Variants in SPTBN1 observed in about 807,000 individuals in gnomAD.
SPTBN1 encodes the protein spectrin beta chain, non-erythrocytic 1.
Under a neutral mutation model 266.4 loss-of-function variants are expected in SPTBN1, and 32 were observed. That is an observed-to-expected ratio of 0.12 (90% confidence interval 0.09 to 0.16). SPTBN1 has a LOEUF of 0.16. Ranked by LOEUF, SPTBN1 falls within the 10% of genes least tolerant of loss-of-function variation. The pLI, the probability that SPTBN1 is intolerant of heterozygous loss-of-function variation, is 1.00. For synonymous variants in SPTBN1, 1,336 were observed against 1,162.2 expected, an observed-to-expected ratio of 1.15 and a Z score of -3.04; for missense variants, 2,296 against 3,067.1, an observed-to-expected ratio of 0.75 and a Z score of 5.94.
intron 1 of SPTBN1, among the ~76,000 whole-genome samples, chr2:54,483,399 A>G (rs1668196249): frequency 6.6e-6 from 1 of 152,306 alleles, no homozygotes; most frequent in Admixed American, 6.5e-5. Flanking sequence ...GGTTAGAGGA[A>G]ACATGAAGTG....
At chr2:54,537,314 C>G (rs1191836553) in intron 2 of SPTBN1, among the ~76,000 whole-genome samples, 1 of 152,142 alleles carries the variant, frequency 6.6e-6, no homozygotes, top group African/African-American at 2.4e-5. Context: ...TCCTGTAGTT[C>G]AAATGTCTGT....
chr2:54,462,930 G>A (rs1019793960), intron 1 of SPTBN1, among the ~76,000 whole-genome samples: 6 of 152,224 alleles, frequency 3.9e-5, no homozygotes, highest in African/African-American at 1.4e-4. Flanking sequence ...GTTCTAGGCA[G>A]TAACTACCAC....
chr2:54,476,018 C>G (rs1667805453), intron 1 of SPTBN1, among the ~76,000 whole-genome samples: 1 of 151,984 alleles, frequency 6.6e-6, no homozygotes, highest in East Asian at 1.9e-4. Flanking sequence ...TTTGTCACTT[C>G]TGGTCACTAT....
At position 54,629,177 on chromosome 2, in the gene SPTBN1, G is replaced by A; in HGVS notation, c.2043G>A (p.Arg681=). 6.2e-7 allele frequency: 1 copy of A among 1,613,610 alleles called. No homozygotes were observed. Among genetic ancestry groups the A allele is most frequent in the Non-Finnish European group, 8.5e-7 (1 of 1,179,928 alleles). Residue 681 remains arginine, a synonymous_variant, in exon 14 of 36, where the codon CGG becomes CGA. Transcript: ENST00000356805. ...TSVMRLLSKH[R]AFEDEMSGRS... is the part of the protein sequence containing the mutation. ...TCATGCGCCTGCTCAGCAAGCACCG[G>A]GCGTTCGAGGACGAGATGAGCGGCC...
chr2:54,494,069 C>G (rs138199677), intron 1 of SPTBN1, among the ~76,000 whole-genome samples: 42 of 152,288 alleles, frequency 2.8e-4, no homozygotes, highest in Non-Finnish European at 4.4e-5. Context: ...TGGTGCTACC[C>G]AAATCCTGAA....
chr2:54,623,372 C>T, intron 9 of SPTBN1, 107 bp from the exon 10 acceptor site: 1 of 936,768 alleles, frequency 1.1e-6, no homozygotes, highest in Non-Finnish European at 1.7e-6. Flanking sequence ...GTCTCTTTGA[C>T]ATGCATTTCA....
At chr2:54,529,450 CA>C (rs770061060) in intron 2 of SPTBN1, 48 of 708,522 alleles carry the variant, frequency 6.8e-5, no homozygotes, top group Middle Eastern at 2.4e-4. Context: ...TCCACGGCCA[CA>C]AAAAAAAGAA....
chr2:54,633,935 C>T (rs1678939622), intron 17 of SPTBN1, among the ~76,000 whole-genome samples: 1 of 152,072 alleles, frequency 6.6e-6, no homozygotes, highest in Non-Finnish European at 1.5e-5. Context: ...TAGAGAATAA[C>T]TTATGTTAAT....
At chr2:54,543,294 G>A (rs765993292) in intron 2 of SPTBN1, among the ~76,000 whole-genome samples, 2 of 152,212 alleles carry the variant, frequency 1.3e-5, no homozygotes, top group Non-Finnish European at 2.9e-5. Flanking sequence ...CTCGGTGTCT[G>A]CACACAGTGG....
chr2:54,566,154 G>C (rs552708103), intron 2 of SPTBN1, among the ~76,000 whole-genome samples: 1 of 151,346 alleles, frequency 6.6e-6, no homozygotes, highest in South Asian at 2.1e-4. Context: ...GGAAATAAAG[G>C]ATAAGGGCAT....
rs562102703 is a variant in SPTBN1, at chr2:54,500,392, G to T, written c.-47-25980G>T. ...TCCCTTTCTTTGAGAGATTTGTTCT[G>T]TTTTTTTTTCATCTCGATCCACTGT... On this transcript the variant is annotated intron_variant, in intron 1 of 35. Transcript: ENST00000356805. Among the ~76,000 whole-genome samples the T allele has an allele frequency of 1.5e-4, 22 of 150,038 alleles. No homozygotes were observed. The East Asian group carries it at 4.1e-3, about 28-fold the overall frequency.
In SPTBN1 at chr2:54,580,000, A is replaced by G. The variant is rs1198148163; in HGVS notation, c.149-19092A>G. On this transcript the variant is annotated intron_variant, in intron 2 of 35. Transcript: ENST00000356805. ...TCTGGTGTTGCTAGGACAGACCTGT[A>G]TGACCTTCTTTATGTAAATAATTAA... 2.6e-5 allele frequency among the ~76,000 whole-genome samples: 4 copies of G among 152,222 alleles called. No homozygotes were observed. The East Asian group carries it at 5.8e-4, about 22-fold the overall frequency.
At chr2:54,493,487 C>T (rs1377159545) in intron 1 of SPTBN1, among the ~76,000 whole-genome samples, 1 of 152,024 alleles carries the variant, frequency 6.6e-6, no homozygotes, top group Non-Finnish European at 1.5e-5. Context: ...CTCACTGCAA[C>T]CTCCCCCTCC....
chr2:54,457,573 T>C (rs1446561519), intron 1 of SPTBN1, among the ~76,000 whole-genome samples: 2 of 152,244 alleles, frequency 1.3e-5, no homozygotes, highest in Non-Finnish European at 2.9e-5. Flanking sequence ...GGGATGTGCT[T>C]TTTTGGCAAG....
chr2:54,647,015 G>A, intron 23 of SPTBN1, 116 bp from the exon 24 acceptor site: 9 of 1,485,700 alleles, frequency 6.1e-6, no homozygotes, highest in Non-Finnish European at 8.2e-6. Context: ...TGCACCTCTG[G>A]AGTTTTTCTT....
chr2:54,585,036 C>A (rs773565357), intron 2 of SPTBN1, among the ~76,000 whole-genome samples: 1 of 152,316 alleles, frequency 6.6e-6, no homozygotes, highest in Non-Finnish European at 1.5e-5. Context: ...AGTTTAGCAA[C>A]ACTGCAAGAG....
chr2:54,500,955 C>T (rs1168613447), intron 1 of SPTBN1, among the ~76,000 whole-genome samples: 1 of 152,204 alleles, frequency 6.6e-6, no homozygotes. Flanking sequence ...TTCCAGTCCT[C>T]TCTTTATAGA....
chr2:54,566,388 A>C (rs1042660452), intron 2 of SPTBN1, among the ~76,000 whole-genome samples: 2 of 151,934 alleles, frequency 1.3e-5, no homozygotes, highest in Admixed American at 6.5e-5. Flanking sequence ...GGGTTTCGCC[A>C]TGTTGGCCAG....
chr2:54,496,710 A>G (rs1268770027), intron 1 of SPTBN1, among the ~76,000 whole-genome samples: 1 of 152,224 alleles, frequency 6.6e-6, no homozygotes, highest in East Asian at 1.9e-4. Context: ...GATAATAACA[A>G]GCTATCACTT....
Sources: gnomAD v4.1 joint callset for allele counts (sites outside exome capture counted in the v4.1 genomes callset) on GRCh38, gnomAD v4.1.1 for gene constraint, MANE v1.5 for transcripts, NCBI Gene and HGNC (gene_info 2026-07-23, HGNC 2026-07-21) for gene names.